ZFHX3: variants seen among roughly 807,000 people sequenced by gnomAD.
The protein encoded by ZFHX3 is zinc finger homeobox protein 3.
ZFHX3 carries 42 observed loss-of-function variants against 279.1 expected under a neutral mutation model. The ratio of observed to expected loss-of-function variants is 0.15; its 90% CI spans 0.12 to 0.19. The LOEUF (loss-of-function observed/expected upper bound fraction) is 0.19, where lower values mean the gene tolerates loss of function less well. ZFHX3 is among the 10% of genes least tolerant of loss of function. The pLI is 1.00. For missense variants in ZFHX3, 4,981 were observed against 4,754.0 expected, an observed-to-expected ratio of 1.05 and a Z score of -1.40; for synonymous variants, 2,293 against 1,957.8, an observed-to-expected ratio of 1.17 and a Z score of -4.52.
At chr16:73,489,340 A>C (rs1411234014) in intron 2 of ZFHX3, among the ~76,000 whole-genome samples, 1 of 152,192 alleles carries the variant, frequency 6.6e-6, no homozygotes, top group Non-Finnish European at 1.5e-5. Flanking sequence ...TGATTTAAGA[A>C]CTGAACGTTC....
intron 3 of ZFHX3, among the ~76,000 whole-genome samples, chr16:73,354,026 G>A (rs944213119): frequency 1.3e-5 from 2 of 152,136 alleles, no homozygotes; most frequent in African/African-American, 4.8e-5. Context: ...GGCTCAGAGA[G>A]GTTATAACTT....
intron 3 of ZFHX3, among the ~76,000 whole-genome samples, chr16:73,330,400 GTA>G (rs1315182425): frequency 6.6e-6 from 1 of 152,162 alleles, no homozygotes; most frequent in African/African-American, 2.4e-5. Context: ...GTGGTTTAGG[GTA>G]GTTTCAGATT....
At chr16:73,488,766 C>T (rs1322407326) in intron 2 of ZFHX3, among the ~76,000 whole-genome samples, 3 of 152,192 alleles carry the variant, frequency 2.0e-5, no homozygotes, top group South Asian at 2.1e-4. Flanking sequence ...GACCCCATTG[C>T]TATTGAAGTT....
intron 3 of ZFHX3, among the ~76,000 whole-genome samples, chr16:73,386,360 A>C (rs184762342): frequency 7.0e-4 from 106 of 152,266 alleles, no homozygotes; most frequent in African/African-American, 2.4e-3. Context: ...TTCACCCCTT[A>C]CTAGATGTGC....
chr16:73,346,260 T>C (rs970955222), intron 3 of ZFHX3, among the ~76,000 whole-genome samples: 1 of 152,134 alleles, frequency 6.6e-6, no homozygotes, highest in Admixed American at 6.5e-5. Context: ...CATCTGTCCC[T>C]CCCAGACCAC....
chr16:73,613,462 G>T (rs1425958360), intron 2 of ZFHX3, among the ~76,000 whole-genome samples: 2 of 150,676 alleles, frequency 1.3e-5, no homozygotes, highest in South Asian at 2.1e-4. Context: ...TTGTTTTTTG[G>T]ATGTGAGGCA....
At chr16:73,087,328 C>T (rs138416750) in intron 8 of ZFHX3, among the ~76,000 whole-genome samples, 3 of 152,150 alleles carry the variant, frequency 2.0e-5, no homozygotes, top group East Asian at 1.9e-4. Context: ...GGGAATGTGA[C>T]GTGAATATGA....
intron 2 of ZFHX3, among the ~76,000 whole-genome samples, chr16:73,593,272 T>C (rs2052016995): frequency 6.6e-6 from 1 of 152,026 alleles, no homozygotes; most frequent in Admixed American, 6.6e-5. Flanking sequence ...ACAGATTTCA[T>C]GAGGCTAGCA....
intron 1 of ZFHX3, among the ~76,000 whole-genome samples, chr16:73,774,130 T>A (rs2054050633): frequency 6.8e-6 from 1 of 146,488 alleles, no homozygotes. Context: ...ATACTGTCTC[T>A]AAAAAAAAAA....
At chr16:73,298,748 A>C (rs1043851190) in intron 4 of ZFHX3, among the ~76,000 whole-genome samples, 68 of 152,138 alleles carry the variant, frequency 4.5e-4, no homozygotes, top group African/African-American at 1.4e-3. Context: ...CAGGGAAGGG[A>C]GATGCTGTAA....
At chr16:73,174,459 A>G (rs1199437168) in intron 5 of ZFHX3, among the ~76,000 whole-genome samples, 1 of 152,114 alleles carries the variant, frequency 6.6e-6, no homozygotes, top group Non-Finnish European at 1.5e-5. Context: ...CCCTGTCTTT[A>G]GTGGTAGAAG....
At chr16:73,772,071 C>G (rs2054024385) in intron 1 of ZFHX3, among the ~76,000 whole-genome samples, 1 of 152,152 alleles carries the variant, frequency 6.6e-6, no homozygotes, top group African/African-American at 2.4e-5. Flanking sequence ...CCACAGCTAA[C>G]TTTCCAGATG....
chr16:73,711,069 A>G (rs2053358014), intron 1 of ZFHX3, among the ~76,000 whole-genome samples: 1 of 152,242 alleles, frequency 6.6e-6, no homozygotes, highest in Non-Finnish European at 1.5e-5. Context: ...CATGCTTTTC[A>G]GTACCCAAAT....
intron 2 of ZFHX3, among the ~76,000 whole-genome samples, chr16:73,544,367 T>C (rs1204433232): frequency 1.3e-5 from 2 of 152,206 alleles, no homozygotes; most frequent in East Asian, 3.9e-4. Flanking sequence ...GGGTAAATTT[T>C]CTTCATTAGT....
intron 3 of ZFHX3, among the ~76,000 whole-genome samples, chr16:73,453,271 G>A (rs1415132843): frequency 6.6e-6 from 1 of 152,212 alleles, no homozygotes; most frequent in Non-Finnish European, 1.5e-5. Flanking sequence ...CCCATTGAGA[G>A]GTAGAGTCTA....
At chr16:73,640,032 C>A (rs757315124) in intron 2 of ZFHX3, among the ~76,000 whole-genome samples, 1 of 152,124 alleles carries the variant, frequency 6.6e-6, no homozygotes, top group Non-Finnish European at 1.5e-5. Flanking sequence ...TACGTTCTCT[C>A]CTCCATCCCT....
chr16:73,277,380 A>G (rs896002649), intron 4 of ZFHX3, among the ~76,000 whole-genome samples: 3 of 152,216 alleles, frequency 2.0e-5, no homozygotes, highest in Non-Finnish European at 4.4e-5. Context: ...AGAGGCCCAG[A>G]GCAGGGCCAG....
At chr16:73,209,488 G>A (rs1024233767) in intron 5 of ZFHX3, among the ~76,000 whole-genome samples, 14 of 152,256 alleles carry the variant, frequency 9.2e-5, no homozygotes, top group Admixed American at 7.2e-4. Flanking sequence ...GAGGAATGCT[G>A]TTCCTCACAT....
intron 2 of ZFHX3, among the ~76,000 whole-genome samples, chr16:73,530,281 T>C (rs1027247957): frequency 3.3e-5 from 5 of 152,044 alleles, no homozygotes; most frequent in Non-Finnish European, 7.4e-5. Context: ...CCTACTTATC[T>C]CCCACTGGGT....
Sources: gnomAD v4.1 joint callset for allele counts (sites outside exome capture counted in the v4.1 genomes callset) on GRCh38, gnomAD v4.1.1 for gene constraint, MANE v1.5 for transcripts, NCBI Gene and HGNC (gene_info 2026-07-23, HGNC 2026-07-21) for gene names.